Variants in VPS13B observed in about 807,000 individuals in gnomAD.
The protein encoded by VPS13B is vacuolar protein sorting 13 homolog B, also known as intermembrane lipid transfer protein VPS13B.
Under a neutral mutation model 426.4 loss-of-function variants are expected in VPS13B, and 285 were observed. The ratio of observed to expected loss-of-function variants is 0.67; its 90% CI spans 0.61 to 0.74. The LOEUF (loss-of-function observed/expected upper bound fraction) is 0.74, where lower values mean the gene tolerates loss of function less well. Ranked by LOEUF, VPS13B falls within the 30% of genes least tolerant of loss-of-function variation. VPS13B has a pLI of 0.00. For missense variants in VPS13B, 4,537 were observed against 4,782.6 expected (o/e 0.95, Z 1.51); for synonymous variants, 1,676 against 1,676.4 (o/e 1.00, Z 0.01).
chr8:99,589,472 T>TG (rs1476623611), intron 33 of VPS13B, among the ~76,000 whole-genome samples: 1 of 151,694 alleles, frequency 6.6e-6, no homozygotes, highest in Non-Finnish European at 1.5e-5. Flanking sequence ...TTTTTGTCCT[T>TG]GCGATAGTTT....
intron 19 of VPS13B, among the ~76,000 whole-genome samples, chr8:99,316,563 G>C (rs954124336): frequency 6.6e-6 from 1 of 152,126 alleles, no homozygotes; most frequent in Non-Finnish European, 1.5e-5. Context: ...ACAGGGATCT[G>C]TGGGGGAAAT....
At chr8:99,141,368 T>C (rs1194008026) in intron 12 of VPS13B, among the ~76,000 whole-genome samples, 21 of 152,192 alleles carry the variant, frequency 1.4e-4, no homozygotes. Flanking sequence ...AGAAGAGTCT[T>C]GTTATACAGT....
intron 51 of VPS13B, among the ~76,000 whole-genome samples, chr8:99,828,392 CCGTTTTTTTT>C (rs1814824525): frequency 5.5e-4 from 26 of 47,652 alleles, no homozygotes; most frequent in African/African-American, 1.2e-3. Flanking sequence ...ATTACAACCA[CCGTTTTTTTT>C]TTTTTTTTTT....
Position 99,699,860 on chromosome 8 carries a change from A to T in VPS13B, c.6382A>T (p.Lys2128Ter). 1 of 1,613,802 alleles carries T rather than the reference A, an allele frequency of 6.2e-7. No homozygotes were observed. The highest frequency in any genetic ancestry group is 8.5e-7 in the Non-Finnish European group (1 of 1,179,926). The change falls in exon 36 of 62, where the codon AAA becomes TAA. Residue 2128 changes from lysine (K) to a stop codon, truncating the protein, a stop_gained. Coordinates refer to ENST00000357162, the MANE Select transcript of VPS13B (RefSeq NM_152564.5). LOFTEE classifies it high-confidence loss of function. ...ISMETVPHTS[K>*]PCLLASLSNL... ...CATGGAAACTGTACCCCATACCAGCAAACCATGCCTGTTAGCATCTCTCTC... is the reference window on the plus strand; with the variant it reads ...CATGGAAACTGTACCCCATACCAGCTAACCATGCCTGTTAGCATCTCTCTC...
At chr8:99,873,729 C>T (rs893020711) in intron 61 of VPS13B, among the ~76,000 whole-genome samples, 1 of 152,172 alleles carries the variant, frequency 6.6e-6, no homozygotes, top group Non-Finnish European at 1.5e-5. Flanking sequence ...TGAGACTAAA[C>T]CCTCCCAAGT....
In VPS13B at chr8:99,622,348, C is replaced by T. The variant is rs146022480; in HGVS notation, c.5221-19463C>T. ...AAGGTTTCGCCTCCAGGTCTTCTGA[C>T]ACTGATTACAGAGATATTTTATTCT... is the stretch of plus-strand genomic sequence containing the variant. On this transcript the variant is annotated intron_variant, in intron 33 of 61. Coordinates refer to ENST00000357162, the MANE Select transcript of VPS13B (RefSeq NM_152564.5). Among the ~76,000 whole-genome samples, 583 of 152,256 alleles carry T rather than the reference C, an allele frequency of 3.8e-3. 3 individuals carry two copies. The highest frequency in any genetic ancestry group is 0.013 in the African/African-American group (560 of 41,534).
chr8:99,867,446 T>A (rs1274389338), intron 58 of VPS13B, among the ~76,000 whole-genome samples: 2 of 152,134 alleles, frequency 1.3e-5, no homozygotes, highest in African/African-American at 2.4e-5. Context: ...TGGTCGCTAT[T>A]CTAAGTGAGG....
intron 26 of VPS13B, among the ~76,000 whole-genome samples, chr8:99,502,562 C>T (rs1821302321): frequency 1.3e-5 from 2 of 152,126 alleles, no homozygotes; most frequent in South Asian, 4.1e-4. Context: ...CATATTGATA[C>T]ATTATAGTAT....
chr8:99,845,739 G>C (rs1321149505), intron 54 of VPS13B, among the ~76,000 whole-genome samples: 2 of 152,200 alleles, frequency 1.3e-5, no homozygotes, highest in Admixed American at 1.3e-4. Flanking sequence ...GCTATCTAGA[G>C]CAGGAGTCAA....
chr8:99,418,974 C>A (rs759269460), intron 21 of VPS13B, among the ~76,000 whole-genome samples: 2 of 152,208 alleles, frequency 1.3e-5, no homozygotes, highest in Non-Finnish European at 2.9e-5. Flanking sequence ...ATTTCTCTCG[C>A]AAAGGCCTTG....
chr8:99,017,452 CAT>C (rs1362221087), intron 2 of VPS13B, among the ~76,000 whole-genome samples: 2 of 151,924 alleles, frequency 1.3e-5, no homozygotes, highest in Non-Finnish European at 2.9e-5. Flanking sequence ...TCAAGATTGT[CAT>C]AACTATTTTA....
intron 19 of VPS13B, among the ~76,000 whole-genome samples, chr8:99,365,076 T>G (rs1270382684): frequency 6.6e-6 from 1 of 152,220 alleles, no homozygotes; most frequent in South Asian, 2.1e-4. Context: ...TAGTTGCTGA[T>G]AGTAGCCACT....
At chr8:99,095,872 T>C (rs1846387307) in intron 3 of VPS13B, among the ~76,000 whole-genome samples, 2 of 152,140 alleles carry the variant, frequency 1.3e-5, no homozygotes, top group African/African-American at 4.8e-5. Context: ...TTAAGATTAA[T>C]CATTAAAGAT....
intron 35 of VPS13B, among the ~76,000 whole-genome samples, chr8:99,672,901 CATATGGTT>C (rs1275002439): frequency 6.6e-6 from 1 of 152,044 alleles, no homozygotes; most frequent in Non-Finnish European, 1.5e-5. Context: ...TTGAAATGAT[CATATGGTT>C]TTTGTCCTAC....
chr8:99,112,224 A>G (rs113588149), intron 6 of VPS13B, among the ~76,000 whole-genome samples: 221 of 152,298 alleles, frequency 1.5e-3, no homozygotes, highest in African/African-American at 5.0e-3. Flanking sequence ...CCCATTAAGT[A>G]GGTTTTAATG....
chr8:99,496,687 C>T lies in VPS13B; in HGVS notation c.3871-5000C>T, dbSNP rs1486989692. Among the ~76,000 whole-genome samples the T allele has an allele frequency of 2.6e-5, 4 of 151,996 alleles. No homozygotes were observed. The East Asian group carries it at 7.7e-4, about 29-fold the overall frequency. The stretch of plus-strand genomic sequence containing the variant: ...AAGCACTAACATTTTGATGATTCCT[C>T]TTCATGACAAGTAAACAAAGCAAAC... On this transcript the variant is annotated intron_variant, in intron 25 of 61. Transcript: ENST00000357162.
chr8:99,137,710 A>G (rs957631769), intron 12 of VPS13B, among the ~76,000 whole-genome samples: 19 of 152,162 alleles, frequency 1.2e-4, no homozygotes, highest in Non-Finnish European at 2.5e-4. Flanking sequence ...TTCTTTCCCT[A>G]AACTTTCTCC....
At chr8:99,103,666 A>G (rs1009531077) in intron 5 of VPS13B, among the ~76,000 whole-genome samples, 11 of 151,548 alleles carry the variant, frequency 7.3e-5, no homozygotes, top group Admixed American at 6.6e-4. Flanking sequence ...TGCCCGGCTA[A>G]TTTTTTGTAT....
chr8:99,385,212 T>C (rs1436687046), intron 20 of VPS13B, among the ~76,000 whole-genome samples: 2 of 152,210 alleles, frequency 1.3e-5, no homozygotes, highest in African/African-American at 4.8e-5. Context: ...AAACTGATGC[T>C]TATTGAGATT....
Sources: gnomAD v4.1 joint callset for allele counts (sites outside exome capture counted in the v4.1 genomes callset) on GRCh38, gnomAD v4.1.1 for gene constraint, MANE v1.5 for transcripts, NCBI Gene and HGNC (gene_info 2026-07-23, HGNC 2026-07-21) for gene names.